Variants in PHF20 observed in about 807,000 individuals in gnomAD.
The protein encoded by PHF20 is glioma-expressed antigen 2.
PHF20 carries 23 observed loss-of-function variants against 113.5 expected under a neutral mutation model. That is an observed-to-expected ratio of 0.20 (90% CI 0.15 to 0.29). PHF20 has a LOEUF of 0.29. PHF20 is among the 10% of genes least tolerant of loss of function. PHF20 has a pLI of 1.00. For missense variants in PHF20, 943 were observed against 1,219.6 expected, an observed-to-expected ratio of 0.77 and a Z score of 3.38; for synonymous variants, 434 against 457.3, an observed-to-expected ratio of 0.95 and a Z score of 0.65.
chr20:35,851,654 G>T (rs1415572634), intron 4 of PHF20, among the ~76,000 whole-genome samples: 2 of 146,328 alleles, frequency 1.4e-5, no homozygotes, highest in African/African-American at 5.0e-5. Context: ...AGTGGCTTAT[G>T]CCTGTAATCC....
At chr20:35,852,120 G>A (rs2042743299) in intron 4 of PHF20, among the ~76,000 whole-genome samples, 1 of 152,092 alleles carries the variant, frequency 6.6e-6, no homozygotes, top group Non-Finnish European at 1.5e-5. Context: ...GGGGGAAACT[G>A]CTTGAGGTTA....
chr20:35,858,089 C>T (rs2042871644), intron 4 of PHF20, among the ~76,000 whole-genome samples: 1 of 152,010 alleles, frequency 6.6e-6, no homozygotes, highest in Non-Finnish European at 1.5e-5. Flanking sequence ...TGATGGATTT[C>T]AATTTACGTA....
chr20:35,943,536 AATATAT>A (rs754483441), intron 17 of PHF20, among the ~76,000 whole-genome samples: 1 of 148,226 alleles, frequency 6.7e-6, no homozygotes. Flanking sequence ...TATTATATGA[AATATAT>A]ATATATATAT....
intron 15 of PHF20, among the ~76,000 whole-genome samples, chr20:35,935,480 C>G (rs187287614): frequency 6.6e-6 from 1 of 152,334 alleles, no homozygotes; most frequent in African/African-American, 2.4e-5. Context: ...GATTCTTATG[C>G]CTCAGCCTCC....
At chr20:35,781,878 G>A (rs2041304680) in intron 1 of PHF20, among the ~76,000 whole-genome samples, 1 of 152,100 alleles carries the variant, frequency 6.6e-6, no homozygotes, top group South Asian at 2.1e-4. Context: ...GCGGGGGCGG[G>A]TGGAGGTTGC....
chr20:35,946,632 A>G (rs893049303), intron 17 of PHF20, among the ~76,000 whole-genome samples: 3 of 150,974 alleles, frequency 2.0e-5, no homozygotes, highest in African/African-American at 7.3e-5. Flanking sequence ...CTGATTTTCA[A>G]CATGGGAAAG....
intron 9 of PHF20, among the ~76,000 whole-genome samples, chr20:35,877,584 T>C (rs928559248): frequency 6.6e-6 from 1 of 151,106 alleles, no homozygotes; most frequent in Non-Finnish European, 1.5e-5. Context: ...CACTTTCTTT[T>C]TTTTTTTTTT....
intron 2 of PHF20, among the ~76,000 whole-genome samples, chr20:35,822,588 C>G (rs1047171357): frequency 2.6e-5 from 4 of 151,756 alleles, no homozygotes; most frequent in African/African-American, 9.7e-5. Context: ...AATCCCAGCA[C>G]TTTGGGAGGC....
chr20:35,817,403 T>C (rs568834491), intron 2 of PHF20, among the ~76,000 whole-genome samples: 1 of 151,802 alleles, frequency 6.6e-6, no homozygotes, highest in East Asian at 2.0e-4. Flanking sequence ...GCCAGGCTAG[T>C]CTTGATCTCC....
chr20:35,896,081 ATGTGTGTGTG>A (rs10633976), intron 9 of PHF20, among the ~76,000 whole-genome samples: 20 of 143,136 alleles, frequency 1.4e-4, no homozygotes, highest in African/African-American at 3.8e-4. Flanking sequence ...ATGCTTTGGG[ATGTGTGTGTG>A]TGTGTGTGTG....
intron 16 of PHF20, 95 bp downstream of exon 16, chr20:35,939,203 T>C (rs1356247289): frequency 7.7e-7 from 1 of 1,306,720 alleles, no homozygotes; most frequent in Non-Finnish European, 1.0e-6. Context: ...TATTTATTAA[T>C]AAAACTGTAT....
chr20:35,790,978 C>T (rs1007438398), intron 1 of PHF20, among the ~76,000 whole-genome samples: 1 of 152,092 alleles, frequency 6.6e-6, no homozygotes, highest in East Asian at 1.9e-4. Context: ...CCTGTCTCAG[C>T]CTCCTGAGTA....
At chr20:35,786,680 G>A (rs1600727698) in intron 1 of PHF20, among the ~76,000 whole-genome samples, 1 of 152,112 alleles carries the variant, frequency 6.6e-6, no homozygotes, top group South Asian at 2.1e-4. Flanking sequence ...CTAGCTTGGC[G>A]ACAGAGCTTG....
intron 4 of PHF20, among the ~76,000 whole-genome samples, chr20:35,854,285 C>T (rs1172252609): frequency 1.3e-5 from 2 of 152,152 alleles, no homozygotes; most frequent in Non-Finnish European, 2.9e-5. Context: ...CTCAGAGGGG[C>T]AAGACCAGGA....
intron 2 of PHF20, among the ~76,000 whole-genome samples, chr20:35,827,739 C>G (rs549677448): frequency 2.7e-5 from 4 of 148,018 alleles, no homozygotes; most frequent in African/African-American, 1.0e-4. Flanking sequence ...GCCAAGATGA[C>G]GCCACTGCGC....
At chr20:35,862,417 G>A (rs2054234129) in intron 5 of PHF20, among the ~76,000 whole-genome samples, 1 of 152,174 alleles carries the variant, frequency 6.6e-6, no homozygotes, top group Admixed American at 6.5e-5. Context: ...GAACACCTTT[G>A]TCAGAAAGAT....
chr20:35,931,317 G>C lies in PHF20; in HGVS notation c.2173G>C (p.Ala725Pro). 1 of 1,614,034 alleles carries C rather than the reference G, an allele frequency of 6.2e-7. No individual in the cohort carries two copies. Among genetic ancestry groups the C allele is most frequent in the Non-Finnish European group, 8.5e-7 (1 of 1,179,966 alleles). Residue 725 changes from alanine (A) to proline (P), a missense_variant, in exon 15 of 18, where the codon GCA (alanine) becomes CCA (proline). This residue lies in a region of PHF20 where 349 missense variants were observed against 412.3 expected (regional missense o/e 0.85). Transcript: ENST00000374012. ...GAGCAGGGGACATATGCATGGCCTG[G>C]CATTTCTAGAAGAGAACTACTCCCA... ...WLSRGHMHGL[A>P]FLEENYSHQN...
chr20:35,883,179 C>T (rs1046799349), intron 9 of PHF20, among the ~76,000 whole-genome samples: 6 of 152,158 alleles, frequency 3.9e-5, no homozygotes, highest in African/African-American at 1.4e-4. Context: ...CCTACCACTG[C>T]ACTCCAGCCT....
At chr20:35,851,782 G>A (rs1027407384) in intron 4 of PHF20, among the ~76,000 whole-genome samples, 1 of 152,108 alleles carries the variant, frequency 6.6e-6, no homozygotes, top group Non-Finnish European at 1.5e-5. Context: ...TGGCGTGGTA[G>A]CATGTGCCTG....
Sources: gnomAD v4.1 joint callset for allele counts (sites outside exome capture counted in the v4.1 genomes callset) on GRCh38, gnomAD v4.1.1 for gene constraint, gnomAD v4.1.1 regional missense constraint, MANE v1.5 for transcripts, NCBI Gene and HGNC (gene_info 2026-07-23, HGNC 2026-07-21) for gene names.